The following GRIA4 variants were observed in gnomAD, a reference collection of about 807,000 sequenced individuals.
GRIA4 encodes the protein glutamate receptor 4.
In GRIA4, 34 loss-of-function variants were observed where a neutral mutation model predicts 104.0. That is an observed-to-expected ratio of 0.33 (90% CI 0.25 to 0.44). The LOEUF is 0.44. Ranked by LOEUF, GRIA4 falls within the 20% of genes least tolerant of loss-of-function variation. The probability of loss-of-function intolerance (pLI) is 1.00; values close to 1 mark genes in which losing one functional copy is unlikely to be tolerated. For missense variants in GRIA4, 750 were observed against 1,096.5 expected (o/e 0.68, Z 4.46); for synonymous variants, 386 against 381.9 (o/e 1.01, Z -0.13).
At chr11:105,908,971 G>T (rs1256993091) in intron 9 of GRIA4, among the ~76,000 whole-genome samples, 5 of 152,214 alleles carry the variant, frequency 3.3e-5, no homozygotes, top group Non-Finnish European at 7.4e-5. Flanking sequence ...GAATTGAGGA[G>T]AGGGTGGGTC....
intron 3 of GRIA4, among the ~76,000 whole-genome samples, chr11:105,709,986 CA>C (rs1436035681): frequency 6.6e-6 from 1 of 152,048 alleles, no homozygotes; most frequent in Admixed American, 6.6e-5. Context: ...TTGGAGGAGA[CA>C]AAGTTTTAGG....
chr11:105,838,430 T>G (rs1463094300), intron 4 of GRIA4, among the ~76,000 whole-genome samples: 2 of 152,180 alleles, frequency 1.3e-5, no homozygotes, highest in Non-Finnish European at 2.9e-5. Flanking sequence ...CTGCCTCTGA[T>G]CCTGCAGAAT....
At chr11:105,812,473 C>T (rs1337426581) in intron 4 of GRIA4, among the ~76,000 whole-genome samples, 1 of 152,162 alleles carries the variant, frequency 6.6e-6, no homozygotes, top group Non-Finnish European at 1.5e-5. Context: ...CTGTTACCTA[C>T]TACCATCTTT....
intron 6 of GRIA4, 41 bp downstream of exon 6, chr11:105,887,613 A>G (rs1265028663): frequency 1.2e-6 from 1 of 866,454 alleles, no homozygotes; most frequent in Admixed American, 1.9e-5. Context: ...AGAATTGCTC[A>G]AGCACACAAG....
At chr11:105,734,892 A>C (rs1938834215) in intron 3 of GRIA4, among the ~76,000 whole-genome samples, 1 of 152,160 alleles carries the variant, frequency 6.6e-6, no homozygotes, top group Admixed American at 6.5e-5. Context: ...ATCACATGTG[A>C]ATTCTCTACT....
At chr11:105,909,717 A>G in intron 9 of GRIA4, among the ~76,000 whole-genome samples, 1 of 152,228 alleles carries the variant, frequency 6.6e-6, no homozygotes, top group East Asian at 1.9e-4. Context: ...AGAATCCTAA[A>G]TTTCCATTAA....
intron 4 of GRIA4, among the ~76,000 whole-genome samples, chr11:105,800,821 T>A (rs1276634277): frequency 6.6e-6 from 1 of 151,988 alleles, no homozygotes; most frequent in Non-Finnish European, 1.5e-5. Context: ...TTCTAAGATA[T>A]AAATAAATAA....
chr11:105,689,687 A>G (rs1953017459), intron 3 of GRIA4, among the ~76,000 whole-genome samples: 1 of 152,250 alleles, frequency 6.6e-6, no homozygotes, highest in African/African-American at 2.4e-5. Context: ...AACACTGAAC[A>G]GGACATTTAG....
chr11:105,728,530 C>A (rs772807172), intron 3 of GRIA4, among the ~76,000 whole-genome samples: 1 of 152,170 alleles, frequency 6.6e-6, no homozygotes, highest in Non-Finnish European at 1.5e-5. Flanking sequence ...GAACTCTCCA[C>A]CCCAAAGCAA....
At position 105,978,327 on chromosome 11, in the gene GRIA4, T is replaced by C. The variant is rs189437446; in HGVS notation, c.2545-1248T>C. 2.7e-3 allele frequency among the ~76,000 whole-genome samples: 399 copies of C among 148,550 alleles called. 1 individual carries two copies. The highest frequency in any genetic ancestry group is 4.3e-3 in the Admixed American group (64 of 14,840). ...GTTATATTTCCTTGATTTCTAAATA[T>C]AAAAACTATACATGTTTCTGTGAAG... On this transcript the variant is annotated intron_variant, in intron 16 of 16. Coordinates refer to ENST00000282499, the MANE Select transcript of GRIA4 (RefSeq NM_000829.4).
intron 14 of GRIA4, among the ~76,000 whole-genome samples, chr11:105,958,641 G>A (rs1033750836): frequency 2.6e-5 from 4 of 152,128 alleles, no homozygotes; most frequent in African/African-American, 9.7e-5. Flanking sequence ...AATGAGTTAG[G>A]GAGGATTCTC....
chr11:105,958,607 A>G (rs543087840), intron 14 of GRIA4, among the ~76,000 whole-genome samples: 91 of 152,184 alleles, frequency 6.0e-4, no homozygotes, highest in Non-Finnish European at 9.0e-4. Flanking sequence ...CAGGCTTGGT[A>G]TCAGGATGAT....
intron 3 of GRIA4, among the ~76,000 whole-genome samples, chr11:105,680,659 AT>A: frequency 6.6e-6 from 1 of 152,152 alleles, no homozygotes; most frequent in Middle Eastern, 3.2e-3. Flanking sequence ...TTTTAAAAAA[AT>A]ATATCTTCAA....
chr11:105,794,506 T>C (rs1389067448), intron 4 of GRIA4, among the ~76,000 whole-genome samples: 7 of 122,668 alleles, frequency 5.7e-5, no homozygotes, highest in South Asian at 2.5e-4. Flanking sequence ...TATATATATA[T>C]ATATATACAT....
chr11:105,619,538 A>G lies in GRIA4; in HGVS notation c.247+7104A>G, dbSNP rs796394326. ...GAATTGTTAATTTTAAATCACGTAC[A>G]GAAGTCTAAAGCCATATTTGTCAAA... On this transcript the variant is annotated intron_variant, in intron 3 of 16. Transcript: ENST00000282499. 3.3e-5 allele frequency among the ~76,000 whole-genome samples: 5 copies of G among 152,136 alleles called. 1 individual carries two copies. The highest frequency in any genetic ancestry group is 1.2e-4 in the African/African-American group (5 of 41,548).
chr11:105,678,593 T>C (rs1465057458), intron 3 of GRIA4, among the ~76,000 whole-genome samples: 1 of 152,130 alleles, frequency 6.6e-6, no homozygotes, highest in African/African-American at 2.4e-5. Context: ...TGTTGCTCCA[T>C]GAATAGGTTC....
chr11:105,862,007 T>C lies in GRIA4; in HGVS notation c.488-17T>C. On this transcript the variant is annotated splice_polypyrimidine_tract_variant and intron_variant, in intron 4 of 16. Coordinates refer to ENST00000282499, the MANE Select transcript of GRIA4 (RefSeq NM_000829.4). The stretch of plus-strand genomic sequence containing the variant: ...GAGTAAAAGCATGTTTTTAGTAACT[T>C]TTTTTTTCCCCAATAGGATACTCGA... 6.4e-7 allele frequency: 1 copy of C among 1,569,194 alleles called. No individual in the cohort carries two copies. Among genetic ancestry groups the C allele is most frequent in the Non-Finnish European group, 8.7e-7 (1 of 1,145,730 alleles).
chr11:105,916,403 ATAAG>A (rs1947405087), intron 10 of GRIA4, among the ~76,000 whole-genome samples: 1 of 152,188 alleles, frequency 6.6e-6, no homozygotes, highest in Non-Finnish European at 1.5e-5. Context: ...TAAGCACTAA[ATAAG>A]TAAGAGCTAC....
intron 3 of GRIA4, among the ~76,000 whole-genome samples, chr11:105,718,492 G>A (rs1184643051): frequency 6.6e-6 from 1 of 152,164 alleles, no homozygotes; most frequent in African/African-American, 2.4e-5. Flanking sequence ...ATGAATAAAT[G>A]GATGGATATT....
Sources: gnomAD v4.1 joint callset for allele counts (sites outside exome capture counted in the v4.1 genomes callset) on GRCh38, gnomAD v4.1.1 for gene constraint, MANE v1.5 for transcripts, NCBI Gene and HGNC (gene_info 2026-07-23, HGNC 2026-07-21) for gene names.